Variants in TAFA1 observed in about 807,000 individuals in gnomAD.
TAFA1 encodes the protein chemokine-like protein TAFA-1.
TAFA1 carries 4 observed loss-of-function variants against 18.5 expected under a neutral mutation model. That is an observed-to-expected ratio of 0.22 (90% CI 0.11 to 0.49). The LOEUF (loss-of-function observed/expected upper bound fraction) is 0.49. Among genes scored for constraint, TAFA1 ranks in the 20% least tolerant of loss-of-function variants. TAFA1 has a pLI of 0.98. For synonymous variants in TAFA1, 56 were observed against 55.2 expected (o/e 1.01, Z -0.06); for missense variants, 147 against 169.0 (o/e 0.87, Z 0.72).
At chr3:68,129,950 T>A (rs924178702) in intron 2 of TAFA1, among the ~76,000 whole-genome samples, 1 of 152,254 alleles carries the variant, frequency 6.6e-6, no homozygotes, top group Non-Finnish European at 1.5e-5. Context: ...AGTCCTGCAA[T>A]GTAGAAGCCT....
chr3:68,276,029 C>A (rs2067789391), intron 2 of TAFA1, among the ~76,000 whole-genome samples: 2 of 151,974 alleles, frequency 1.3e-5, no homozygotes, highest in Non-Finnish European at 2.9e-5. Context: ...AGTAAATATT[C>A]ATTGAATGAA....
At chr3:68,007,938 G>A (rs1008915483) in intron 2 of TAFA1, among the ~76,000 whole-genome samples, 1 of 152,204 alleles carries the variant, frequency 6.6e-6, no homozygotes, top group African/African-American at 2.4e-5. Flanking sequence ...GTCAGAGCGC[G>A]GATGCAGCCC....
intron 3 of TAFA1, among the ~76,000 whole-genome samples, chr3:68,474,127 C>T (rs2072049048): frequency 2.0e-5 from 3 of 150,558 alleles, no homozygotes; most frequent in Admixed American, 6.7e-5. Flanking sequence ...ATTTCCTAGA[C>T]ACTTTACAGA....
intron 3 of TAFA1, among the ~76,000 whole-genome samples, chr3:68,518,298 T>TG: frequency 6.6e-6 from 1 of 151,980 alleles, no homozygotes. Flanking sequence ...AATACAATTT[T>TG]TTTTGGCACA....
At chr3:68,102,378 C>T (rs140567679) in intron 2 of TAFA1, among the ~76,000 whole-genome samples, 1 of 152,252 alleles carries the variant, frequency 6.6e-6, no homozygotes, top group African/African-American at 2.4e-5. Flanking sequence ...TGTGATATTA[C>T]AATTTTGCAA....
intron 3 of TAFA1, among the ~76,000 whole-genome samples, chr3:68,476,240 G>A (rs1322589846): frequency 6.6e-6 from 1 of 152,174 alleles, no homozygotes; most frequent in Non-Finnish European, 1.5e-5. Context: ...GCAACCTACA[G>A]AATGGGAGAA....
chr3:68,362,483 G>A (rs1362351707), intron 2 of TAFA1, among the ~76,000 whole-genome samples: 2 of 152,118 alleles, frequency 1.3e-5, no homozygotes, highest in Non-Finnish European at 2.9e-5. Flanking sequence ...ATAATGTTGG[G>A]TTTGGTTTTA....
At chr3:68,123,694 A>G (rs1239032946) in intron 2 of TAFA1, among the ~76,000 whole-genome samples, 2 of 152,118 alleles carry the variant, frequency 1.3e-5, no homozygotes, top group Admixed American at 1.3e-4. Flanking sequence ...CTGGTTTAAC[A>G]TTGTGTCCAT....
chr3:68,468,389 A>G (rs754123700), intron 3 of TAFA1, among the ~76,000 whole-genome samples: 8 of 152,200 alleles, frequency 5.3e-5, no homozygotes, highest in African/African-American at 9.6e-5. Context: ...CTCTGAGAGT[A>G]TACAAAACTT....
chr3:68,188,976 G>A lies in TAFA1; in HGVS notation c.118+182232G>A, dbSNP rs373196000. Among the ~76,000 whole-genome samples, 247 of 151,968 alleles carry A rather than the reference G, an allele frequency of 1.6e-3. 2 individuals carry two copies. Among genetic ancestry groups the A allele is most frequent in the Non-Finnish European group, 2.7e-3 (181 of 67,886 alleles). ...CTTGTGTCTTCATAGGTCCAGACTGGTCAGCAGTTTTAGATGGTCAGACTT... is the reference window on the plus strand; with the variant it reads ...CTTGTGTCTTCATAGGTCCAGACTGATCAGCAGTTTTAGATGGTCAGACTT... On this transcript the variant is annotated intron_variant, in intron 2 of 4. Coordinates refer to ENST00000478136, the MANE Select transcript of TAFA1 (RefSeq NM_213609.4).
chr3:68,518,364 T>C (rs2072959290), intron 3 of TAFA1, among the ~76,000 whole-genome samples: 1 of 152,216 alleles, frequency 6.6e-6, no homozygotes, highest in African/African-American at 2.4e-5. Flanking sequence ...CAAAGTATTA[T>C]TTATTTTGTC....
At chr3:68,317,077 A>G (rs1418481552) in intron 2 of TAFA1, among the ~76,000 whole-genome samples, 1 of 152,224 alleles carries the variant, frequency 6.6e-6, no homozygotes, top group Non-Finnish European at 1.5e-5. Flanking sequence ...CTAAATACAT[A>G]TTAATTGAAG....
At chr3:68,194,900 A>G (rs2066392883) in intron 2 of TAFA1, among the ~76,000 whole-genome samples, 1 of 151,750 alleles carries the variant, frequency 6.6e-6, no homozygotes, top group Non-Finnish European at 1.5e-5. Flanking sequence ...TGTGAGCGTC[A>G]TCATCGTCAT....
chr3:68,521,901 G>A (rs753341234), intron 3 of TAFA1, among the ~76,000 whole-genome samples: 1 of 110,014 alleles, frequency 9.1e-6, no homozygotes. Context: ...ACTCTGTTAC[G>A]TAGGCTGAAG....
At chr3:68,180,048 G>C (rs1327264634) in intron 2 of TAFA1, among the ~76,000 whole-genome samples, 1 of 31,344 alleles carries the variant, frequency 3.2e-5, no homozygotes, top group Admixed American at 2.8e-4. Context: ...TATTATTTGA[G>C]AGGGAGTCTT....
At chr3:68,063,385 C>A (rs2064631268) in intron 2 of TAFA1, among the ~76,000 whole-genome samples, 2 of 151,954 alleles carry the variant, frequency 1.3e-5, no homozygotes, top group African/African-American at 4.8e-5. Flanking sequence ...ATTAAAGATG[C>A]AATAAATTTG....
intron 2 of TAFA1, among the ~76,000 whole-genome samples, chr3:68,193,331 T>A (rs1468559043): frequency 6.6e-6 from 1 of 151,814 alleles, no homozygotes; most frequent in Non-Finnish European, 1.5e-5. Flanking sequence ...GTTTAAGAGA[T>A]AATAAAGCAT....
At chr3:68,100,966 G>A (rs1385286007) in intron 2 of TAFA1, among the ~76,000 whole-genome samples, 1 of 152,148 alleles carries the variant, frequency 6.6e-6, no homozygotes, top group Non-Finnish European at 1.5e-5. Flanking sequence ...GCCACTAGAG[G>A]TTTAGACACC....
intron 2 of TAFA1, among the ~76,000 whole-genome samples, chr3:68,160,586 C>A (rs903864455): frequency 1.3e-5 from 2 of 152,176 alleles, no homozygotes; most frequent in Non-Finnish European, 2.9e-5. Context: ...ATAATAGTAT[C>A]CACCTCAGAG....
Sources: allele counts gnomAD v4.1 joint callset (sites outside exome capture counted in the v4.1 genomes callset), GRCh38; gene constraint gnomAD v4.1.1; transcripts MANE v1.5; gene names NCBI Gene and HGNC (gene_info 2026-07-23, HGNC 2026-07-21).